The following VPS13B variants were observed in gnomAD, a reference collection of about 807,000 sequenced individuals.
VPS13B encodes intermembrane lipid transfer protein VPS13B.
A neutral mutation model predicts 426.4 loss-of-function variants in VPS13B; 285 were observed. The ratio of observed to expected loss-of-function variants is 0.67; its 90% CI spans 0.61 to 0.74. The LOEUF (loss-of-function observed/expected upper bound fraction) is 0.74, where lower values mean the gene tolerates loss of function less well. Among genes scored for constraint, VPS13B ranks in the 30% least tolerant of loss-of-function variants. The pLI is 0.00. For synonymous variants in VPS13B, 1,676 were observed against 1,676.4 expected, an observed-to-expected ratio of 1.00 and a Z score of 0.01; for missense variants, 4,537 against 4,782.6, an observed-to-expected ratio of 0.95 and a Z score of 1.51.
chr8:99,389,903 C>A (rs868283781), intron 20 of VPS13B, among the ~76,000 whole-genome samples: 1 of 151,906 alleles, frequency 6.6e-6, no homozygotes, highest in Non-Finnish European at 1.5e-5. Flanking sequence ...CTAGTCCACC[C>A]CCCCTCCTTA....
intron 20 of VPS13B, among the ~76,000 whole-genome samples, chr8:99,385,738 C>G (rs909084180): frequency 6.6e-6 from 1 of 152,102 alleles, no homozygotes; most frequent in Non-Finnish European, 1.5e-5. Flanking sequence ...GTTCTCACAA[C>G]CAGGGTAGTG....
At chr8:99,519,231 G>A (rs1033231074) in intron 29 of VPS13B, among the ~76,000 whole-genome samples, 1 of 152,068 alleles carries the variant, frequency 6.6e-6, no homozygotes, top group African/African-American at 2.4e-5. Flanking sequence ...TCAGAGAAAT[G>A]CAAATCAAAA....
chr8:99,250,201 C>T (rs150793845), intron 17 of VPS13B, among the ~76,000 whole-genome samples: 2 of 152,050 alleles, frequency 1.3e-5, no homozygotes, highest in East Asian at 3.9e-4. Flanking sequence ...TGTTTTTAGC[C>T]CATTTTCTAA....
At chr8:99,588,391 C>A in intron 33 of VPS13B, among the ~76,000 whole-genome samples, 1 of 151,686 alleles carries the variant, frequency 6.6e-6, no homozygotes. Flanking sequence ...GTCATTGAAT[C>A]TACAAATTAC....
intron 25 of VPS13B, among the ~76,000 whole-genome samples, chr8:99,496,213 T>C (rs1334917446): frequency 1.3e-5 from 2 of 152,222 alleles, no homozygotes; most frequent in Non-Finnish European, 2.9e-5. Context: ...AAGAACATAC[T>C]GCACTGTACT....
At chr8:99,490,657 C>A (rs1311211920) in intron 25 of VPS13B, among the ~76,000 whole-genome samples, 2 of 152,074 alleles carry the variant, frequency 1.3e-5, no homozygotes, top group Non-Finnish European at 1.5e-5. Context: ...AGAACTTATC[C>A]ATTCCTTCTA....
At chr8:99,103,177 C>T (rs931910921) in intron 5 of VPS13B, 57 bp downstream of exon 5, 1 of 1,588,424 alleles carries the variant, frequency 6.3e-7, no homozygotes, top group African/African-American at 1.3e-5. Flanking sequence ...ATTACCTTAA[C>T]TCTTAACCCT....
Position 99,135,720 on chromosome 8 carries a change from C to T in VPS13B, c.1550C>T (p.Ser517Leu). The change falls in exon 11 of 62, where the codon TCA becomes TTA. Residue 517 changes from serine (S) to leucine (L), a missense_variant. Around this residue, in one of 2 missense-constraint regions of VPS13B, gnomAD observed 4,311 missense variants for 4,474.3 expected, o/e 0.96. Coordinates refer to ENST00000357162, the MANE Select transcript of VPS13B (RefSeq NM_152564.5). ...ACTCGCGCAGAATTTATCTTGGATT[C>T]AACTCATCATAAGGTTAGAGAATAT... ...NGTRAEFILD[S>L]THHKETYTEI... 1 of 1,613,212 alleles carries T rather than the reference C, an allele frequency of 6.2e-7. No homozygotes were observed. Among genetic ancestry groups the T allele is most frequent in the Non-Finnish European group, 8.5e-7 (1 of 1,179,386 alleles).
At chr8:99,843,295 A>T (rs1330474955) in intron 54 of VPS13B, among the ~76,000 whole-genome samples, 1 of 152,202 alleles carries the variant, frequency 6.6e-6, no homozygotes, top group Non-Finnish European at 1.5e-5. Context: ...TGAAGAAAGT[A>T]AAAAGAACCA....
Position 99,360,222 on chromosome 8 carries a change from CTTTCTTTCTT to C in VPS13B, c.2825-23984_2825-23975del, listed in dbSNP as rs764200160. On this transcript the variant is annotated intron_variant, in intron 19 of 61. Coordinates refer to ENST00000357162, the MANE Select transcript of VPS13B (RefSeq NM_152564.5). ...TCTCTCTCTCTCTCTTTCTTTCTTT[CTTTCTTTCTT>C]TCTCTCTCTCCTTCCTTCCTTCCTT... Among the ~76,000 whole-genome samples the C allele has an allele frequency of 3.8e-3, 94 of 24,860 alleles. 11 individuals are homozygous for C. Among genetic ancestry groups the C allele is most frequent in the Middle Eastern group, 0.031 (1 of 32 alleles). The allele number at this position is 24,860 out of a possible 152,430, so 16.3% of individuals were successfully genotyped here.
chr8:99,076,298 T>A (rs1183433273), intron 3 of VPS13B, among the ~76,000 whole-genome samples: 1 of 152,176 alleles, frequency 6.6e-6, no homozygotes, highest in African/African-American at 2.4e-5. Context: ...CTGGAGAATG[T>A]TTTATGTGCT....
At chr8:99,576,826 T>C (rs1306279773) in intron 32 of VPS13B, among the ~76,000 whole-genome samples, 1 of 152,228 alleles carries the variant, frequency 6.6e-6, no homozygotes, top group Non-Finnish European at 1.5e-5. Flanking sequence ...GTTATGGACA[T>C]CTACCCAATG....
intron 30 of VPS13B, among the ~76,000 whole-genome samples, chr8:99,540,014 T>TAC (rs1823479773): frequency 8.9e-4 from 1 of 1,126 alleles, no homozygotes. Flanking sequence ...ATAAATAAAT[T>TAC]ATATATATAT....
At chr8:99,227,757 A>C (rs758660361) in intron 17 of VPS13B, among the ~76,000 whole-genome samples, 6 of 152,098 alleles carry the variant, frequency 3.9e-5, no homozygotes, top group African/African-American at 7.2e-5. Context: ...TGGTTATACT[A>C]TTTCTTTGTA....
intron 37 of VPS13B, 139 bp from the exon 38 acceptor site, chr8:99,720,206 C>G (rs1833081561): frequency 1.4e-6 from 1 of 716,444 alleles, no homozygotes; most frequent in Non-Finnish European, 2.3e-6. Flanking sequence ...AAGTCAATTA[C>G]TTTTTAGGAA....
chr8:99,121,846 C>CTTT lies in VPS13B; in HGVS notation c.1206+422_1206+424dup, dbSNP rs34151287. On this transcript the variant is annotated intron_variant, in intron 8 of 61. Coordinates refer to ENST00000357162, the MANE Select transcript of VPS13B (RefSeq NM_152564.5). ...AACAATCATAACAATCTCTCTCTCT[C>CTTT]TTTTTTTTTTTTTTTTTTTTTTTGA... 203 of 112,314 alleles carry CTTT rather than the reference C, an allele frequency of 1.8e-3. 3 individuals carry two copies. The highest frequency in any genetic ancestry group is 5.6e-3 in the Middle Eastern group (1 of 178). The allele number at this position is 112,314 out of a possible 1,614,324, so 7.0% of individuals were successfully genotyped here.
At chr8:99,254,499 C>T (rs556239247) in intron 17 of VPS13B, among the ~76,000 whole-genome samples, 7 of 151,344 alleles carry the variant, frequency 4.6e-5, no homozygotes, top group East Asian at 1.9e-4. Context: ...ATCCATGATG[C>T]GTTATGATTT....
At chr8:99,765,785 T>C (rs1211434946) in intron 39 of VPS13B, among the ~76,000 whole-genome samples, 2 of 152,256 alleles carry the variant, frequency 1.3e-5, no homozygotes, top group Non-Finnish European at 2.9e-5. Flanking sequence ...TGTCATCAAA[T>C]GTTACCTGTC....
At chr8:99,068,942 C>G (rs1844702988) in intron 3 of VPS13B, among the ~76,000 whole-genome samples, 1 of 152,120 alleles carries the variant, frequency 6.6e-6, no homozygotes, top group Admixed American at 6.6e-5. Context: ...TATTTATTGT[C>G]TGGCCCTTTA....
Sources: gnomAD v4.1 joint callset for allele counts (sites outside exome capture counted in the v4.1 genomes callset) on GRCh38, gnomAD v4.1.1 for gene constraint, gnomAD v4.1.1 regional missense constraint, MANE v1.5 for transcripts, NCBI Gene and HGNC (gene_info 2026-07-23, HGNC 2026-07-21) for gene names.